Variants in LHFPL2 observed in about 807,000 individuals in gnomAD.
LHFPL2 encodes LHFPL tetraspan subfamily member 2 protein.
In LHFPL2, 7 loss-of-function variants were observed where a neutral mutation model predicts 17.5. That is an observed-to-expected ratio of 0.40 (90% confidence interval 0.23 to 0.75). The LOEUF is 0.75. LHFPL2 is among the 30% of genes least tolerant of loss of function. The pLI is 0.37. For synonymous variants in LHFPL2, 134 were observed against 116.2 expected, an observed-to-expected ratio of 1.15 and a Z score of -0.99; for missense variants, 241 against 294.8, an observed-to-expected ratio of 0.82 and a Z score of 1.34.
chr5:78,549,977 T>C (rs1243180942), intron 3 of LHFPL2, among the ~76,000 whole-genome samples: 1 of 152,242 alleles, frequency 6.6e-6, no homozygotes, highest in African/African-American at 2.4e-5. Context: ...AACTGGGGGT[T>C]GTTTTCTTCA....
chr5:78,596,820 T>C (rs1478249027), intron 2 of LHFPL2, among the ~76,000 whole-genome samples: 2 of 150,620 alleles, frequency 1.3e-5, no homozygotes, highest in African/African-American at 4.9e-5. Flanking sequence ...AATACAAATC[T>C]TCCTTTGATA....
chr5:78,490,356 A>G (rs577096871), intron 4 of LHFPL2, among the ~76,000 whole-genome samples: 71 of 152,282 alleles, frequency 4.7e-4, no homozygotes, highest in African/African-American at 4.3e-4. Context: ...TGCCAGTCAC[A>G]TGACAGTAGC....
chr5:78,512,491 G>C (rs1421532707), intron 3 of LHFPL2, among the ~76,000 whole-genome samples: 3 of 151,550 alleles, frequency 2.0e-5, no homozygotes, highest in African/African-American at 7.3e-5. Flanking sequence ...CAAACAGAAA[G>C]CCTTTTGAGA....
At chr5:78,579,228 G>C (rs1742971362) in intron 2 of LHFPL2, among the ~76,000 whole-genome samples, 1 of 152,112 alleles carries the variant, frequency 6.6e-6, no homozygotes, top group Non-Finnish European at 1.5e-5. Flanking sequence ...CTCTATACTG[G>C]GAGTGGAGAG....
intron 3 of LHFPL2, among the ~76,000 whole-genome samples, chr5:78,552,319 G>C (rs1386899845): frequency 1.3e-5 from 2 of 152,086 alleles, no homozygotes; most frequent in African/African-American, 2.4e-5. Context: ...ATTTTTAGTA[G>C]AGACAGGGTT....
chr5:78,639,592 A>G (rs1033083166), intron 1 of LHFPL2, among the ~76,000 whole-genome samples: 11 of 152,138 alleles, frequency 7.2e-5, no homozygotes, highest in African/African-American at 2.4e-4. Flanking sequence ...ATACCTCTCT[A>G]GAATGTAGAA....
intron 2 of LHFPL2, among the ~76,000 whole-genome samples, chr5:78,571,730 C>T (rs956285988): frequency 6.6e-6 from 1 of 152,206 alleles, no homozygotes; most frequent in Admixed American, 6.5e-5. Context: ...TGCAACACAC[C>T]CCTCTGTGCC....
Position 78,557,177 on chromosome 5 carries a change from T to C in LHFPL2, c.-186+7636A>G, listed in dbSNP as rs186513772. Reference sequence around the variant, plus strand: ...GAAAAACCACCTTTGCTTTAAGATGTGCAGATGATGTAAATATGCAAGCAT... The same window carrying C: ...GAAAAACCACCTTTGCTTTAAGATGCGCAGATGATGTAAATATGCAAGCAT... On this transcript the variant is annotated intron_variant, in intron 3 of 4. Transcript: ENST00000380345. Among the ~76,000 whole-genome samples, 1,194 of 152,292 alleles carry C rather than the reference T, an allele frequency of 7.8e-3. 13 individuals carry two copies. Among genetic ancestry groups the C allele is most frequent in the African/African-American group, 0.025 (1,059 of 41,552 alleles).
At chr5:78,527,386 T>TC (rs1554053267) in intron 3 of LHFPL2, among the ~76,000 whole-genome samples, 1 of 149,172 alleles carries the variant, frequency 6.7e-6, no homozygotes, top group Non-Finnish European at 1.5e-5. Flanking sequence ...TTTTTTTTTT[T>TC]CCAAAAGTTC....
At chr5:78,510,964 A>C (rs568403783) in intron 3 of LHFPL2, among the ~76,000 whole-genome samples, 1 of 152,310 alleles carries the variant, frequency 6.6e-6, no homozygotes, top group African/African-American at 2.4e-5. Context: ...CAGAGACATA[A>C]GTGTGTTTGC....
chr5:78,491,055 A>G (rs1754428865), intron 4 of LHFPL2: 1 of 152,234 alleles, frequency 6.6e-6, no homozygotes, highest in South Asian at 2.1e-4. Flanking sequence ...GTGAAGGAAG[A>G]TTGGGGACAG....
chr5:78,561,528 TC>T (rs1204891990), intron 3 of LHFPL2, among the ~76,000 whole-genome samples: 8 of 152,242 alleles, frequency 5.3e-5, no homozygotes, highest in Non-Finnish European at 1.0e-4. Flanking sequence ...TGTGGGGTCA[TC>T]CTCAGTTTAT....
intron 4 of LHFPL2, 71 bp from the exon 5 acceptor site, chr5:78,489,224 G>A: frequency 6.4e-7 from 1 of 1,564,558 alleles, no homozygotes; most frequent in Non-Finnish European, 8.7e-7. Flanking sequence ...TGTTGTAATT[G>A]TTACTTGATT....
chr5:78,541,992 T>C (rs997690193), intron 3 of LHFPL2, among the ~76,000 whole-genome samples: 1 of 152,180 alleles, frequency 6.6e-6, no homozygotes, highest in African/African-American at 2.4e-5. Flanking sequence ...TACCTAGAGT[T>C]TGAATTATGA....
At chr5:78,523,092 T>C (rs553836397) in intron 3 of LHFPL2, among the ~76,000 whole-genome samples, 1 of 147,910 alleles carries the variant, frequency 6.8e-6, no homozygotes, top group East Asian at 2.0e-4. Context: ...TTCTGGCGTG[T>C]GCACGTGTGT....
chr5:78,616,289 G>A (rs568902299), intron 2 of LHFPL2, among the ~76,000 whole-genome samples: 3 of 152,154 alleles, frequency 2.0e-5, no homozygotes, highest in African/African-American at 7.2e-5. Context: ...ACCTCACCCG[G>A]CTAATTTTTT....
intron 2 of LHFPL2, among the ~76,000 whole-genome samples, chr5:78,586,767 C>T (rs1743421770): frequency 6.6e-6 from 1 of 152,202 alleles, no homozygotes; most frequent in African/African-American, 2.4e-5. Context: ...CACTATTCAA[C>T]TTTGGCTCCT....
At chr5:78,548,352 T>G (rs909440424) in intron 3 of LHFPL2, among the ~76,000 whole-genome samples, 22 of 152,248 alleles carry the variant, frequency 1.4e-4, no homozygotes, top group African/African-American at 5.3e-4. Context: ...CCCAAGCACT[T>G]GCCTGTCCAG....
chr5:78,557,469 T>C (rs532914066), intron 3 of LHFPL2, among the ~76,000 whole-genome samples: 47 of 152,292 alleles, frequency 3.1e-4, no homozygotes, highest in Non-Finnish European at 6.3e-4. Flanking sequence ...TGGATCGGAC[T>C]TCAACTGAAT....
Sources: allele counts gnomAD v4.1 joint callset (sites outside exome capture counted in the v4.1 genomes callset), GRCh38; gene constraint gnomAD v4.1.1; transcripts MANE v1.5; gene names NCBI Gene and HGNC (gene_info 2026-07-23, HGNC 2026-07-21).